Variants in CACNG4 observed in about 807,000 individuals in gnomAD.
The protein encoded by CACNG4 is calcium voltage-gated channel auxiliary subunit gamma 4.
In CACNG4, 8 loss-of-function variants were observed where a neutral mutation model predicts 22.9. The ratio of observed to expected loss-of-function variants is 0.35; its 90% CI spans 0.21 to 0.63. The LOEUF (loss-of-function observed/expected upper bound fraction) is 0.63, where lower values mean the gene tolerates loss of function less well. CACNG4 is among the 30% of genes least tolerant of loss of function. The pLI is 0.72. For missense variants in CACNG4, 357 were observed against 455.4 expected (o/e 0.78, Z 1.97); for synonymous variants, 188 against 191.9 (o/e 0.98, Z 0.17).
chr17:66,970,934 A>T (rs2035200405), intron 1 of CACNG4, among the ~76,000 whole-genome samples: 1 of 152,168 alleles, frequency 6.6e-6, no homozygotes, highest in Non-Finnish European at 1.5e-5. Context: ...GTCTCCACCA[A>T]CAGCCCAGAC....
intron 2 of CACNG4, chr17:67,020,130 G>A (rs901381561): frequency 2.6e-5 from 4 of 152,372 alleles, no homozygotes; most frequent in African/African-American, 4.8e-5. Context: ...CAGGAGCTGC[G>A]GCTGTTGGGA....
intron 3 of CACNG4, among the ~76,000 whole-genome samples, chr17:67,026,702 T>C (rs930102369): frequency 1.3e-5 from 2 of 151,028 alleles, no homozygotes; most frequent in Non-Finnish European, 3.0e-5. Context: ...GACTATGGTA[T>C]ATGTGTGTCT....
At chr17:67,022,461 G>A (rs2035537644) in intron 2 of CACNG4, among the ~76,000 whole-genome samples, 1 of 152,202 alleles carries the variant, frequency 6.6e-6, no homozygotes, top group Non-Finnish European at 1.5e-5. Context: ...AGAAACACAG[G>A]AAACTTCATC....
intron 1 of CACNG4, among the ~76,000 whole-genome samples, chr17:67,006,149 G>A (rs748202727): frequency 2.1e-4 from 32 of 152,318 alleles, no homozygotes; most frequent in African/African-American, 3.8e-4. Flanking sequence ...CTTGTTCCTC[G>A]TGGGTGAGCA....
rs540246666 is a variant in CACNG4 at position 67,030,881 on chromosome 17, C to G, written c.861C>G (p.Thr287=). The G allele has an allele frequency of 1.9e-5, 31 of 1,612,768 alleles. No individual in the cohort carries two copies. Among genetic ancestry groups the G allele is most frequent in the Non-Finnish European group, 2.5e-5 (29 of 1,180,022 alleles). The change falls in exon 4 of 4, where the codon ACC becomes ACG. Residue 287 remains threonine (T), a synonymous_variant. Coordinates refer to ENST00000262138, the MANE Select transcript of CACNG4 (RefSeq NM_014405.4). This position sits in a 1 kb window ranked among gnomAD's most constrained non-coding sequence, Gnocchi z 6.4. ...YTLSREPLKV[T]TAASYSPDQE... Reference sequence around the variant, plus strand: ...TGTCCAGGGAGCCCCTCAAGGTGACCACCGCAGCCAGCTACAGCCCCGACC... The same window carrying G: ...TGTCCAGGGAGCCCCTCAAGGTGACGACCGCAGCCAGCTACAGCCCCGACC...
At chr17:66,977,016 G>A (rs1036069122) in intron 1 of CACNG4, among the ~76,000 whole-genome samples, 15 of 152,182 alleles carry the variant, frequency 9.9e-5, no homozygotes, top group African/African-American at 1.2e-4. Context: ...AGTATCCCTC[G>A]GGGTTCCTTT....
chr17:67,008,483 A>C (rs969583411), intron 1 of CACNG4, among the ~76,000 whole-genome samples: 2 of 152,204 alleles, frequency 1.3e-5, no homozygotes, highest in African/African-American at 4.8e-5. Context: ...GAGCTGAGGC[A>C]TGGGGAATCA....
chr17:66,969,945 G>A (rs1039282847), intron 1 of CACNG4, among the ~76,000 whole-genome samples: 1 of 152,144 alleles, frequency 6.6e-6, no homozygotes, highest in African/African-American at 2.4e-5. Context: ...TCAGGCCCAG[G>A]TGAGTGACAG....
intron 2 of CACNG4, among the ~76,000 whole-genome samples, chr17:67,021,047 A>G (rs2035528435): frequency 6.6e-6 from 1 of 152,132 alleles, no homozygotes; most frequent in African/African-American, 2.4e-5. Flanking sequence ...AAAAATAAAA[A>G]TAAATTAGCC....
Position 66,984,864 on chromosome 17 carries a change from C to T in CACNG4, c.220+19733C>T, listed in dbSNP as rs1171600013. On this transcript the variant is annotated intron_variant, in intron 1 of 3. Transcript: ENST00000262138. The surrounding 1 kb of genome is among the most constrained non-coding windows in gnomAD (Gnocchi z 4.0). ...CTCGAGCCTGAGCCTGCCTCAGGGT[C>T]CCCAGGGTTACCAGGCTGGGAGTCT... is the stretch of plus-strand genomic sequence containing the variant. Among the ~76,000 whole-genome samples the T allele has an allele frequency of 6.6e-6, 1 of 152,120 alleles. No individual in the cohort carries two copies. The highest frequency in any genetic ancestry group is 2.4e-5 in the African/African-American group (1 of 41,424).
chr17:66,971,594 G>A (rs1048664365), intron 1 of CACNG4, among the ~76,000 whole-genome samples: 4 of 152,192 alleles, frequency 2.6e-5, no homozygotes, highest in African/African-American at 7.2e-5. Context: ...AGAGCAGGGG[G>A]CGTGTGGGGA....
intron 1 of CACNG4, among the ~76,000 whole-genome samples, chr17:67,005,846 A>T (rs1182279708): frequency 1.3e-5 from 2 of 152,210 alleles, no homozygotes; most frequent in Non-Finnish European, 2.9e-5. Context: ...TCTACAGATG[A>T]GCCGACAGAA....
intron 1 of CACNG4, among the ~76,000 whole-genome samples, chr17:66,992,061 C>T (rs1425987428): frequency 1.3e-5 from 2 of 152,126 alleles, no homozygotes; most frequent in East Asian, 3.9e-4. Context: ...GTGGTGACAC[C>T]TCCCTTCTCT....
At chr17:67,029,956 C>T (rs766386929) in intron 3 of CACNG4, among the ~76,000 whole-genome samples, 5 of 152,252 alleles carry the variant, frequency 3.3e-5, no homozygotes, top group Non-Finnish European at 4.4e-5. Flanking sequence ...AACCTTGTCA[C>T]AGCAGAGGGC....
At chr17:66,999,107 C>A (rs2035391901) in intron 1 of CACNG4, among the ~76,000 whole-genome samples, 1 of 152,178 alleles carries the variant, frequency 6.6e-6, no homozygotes, top group Non-Finnish European at 1.5e-5. Context: ...ACTCACTGAA[C>A]CTCTCAGGAC....
chr17:66,976,332 C>T (rs74866051), intron 1 of CACNG4, among the ~76,000 whole-genome samples: 1,802 of 149,236 alleles, frequency 0.012, 47 homozygotes, highest in African/African-American at 0.042. Flanking sequence ...CTCCCTCTGT[C>T]TTTCCTCTTT....
intron 1 of CACNG4, among the ~76,000 whole-genome samples, chr17:66,973,557 G>A (rs1006611521): frequency 3.9e-5 from 6 of 152,212 alleles, no homozygotes; most frequent in African/African-American, 7.2e-5. Context: ...CCTTGGGTGC[G>A]TACCTGGGCA....
At chr17:66,974,529 T>C (rs982312128) in intron 1 of CACNG4, among the ~76,000 whole-genome samples, 14 of 152,238 alleles carry the variant, frequency 9.2e-5, no homozygotes, top group African/African-American at 2.6e-4. Context: ...TGTTGATGTC[T>C]GGAAAGTGGG....
At chr17:66,988,240 G>A (rs996636877) in intron 1 of CACNG4, among the ~76,000 whole-genome samples, 3 of 152,064 alleles carry the variant, frequency 2.0e-5, no homozygotes, top group Non-Finnish European at 4.4e-5. Flanking sequence ...TTGCCATGGC[G>A]GGAAGACCCA....
Sources: gnomAD v4.1 joint callset for allele counts (sites outside exome capture counted in the v4.1 genomes callset) on GRCh38, gnomAD v4.1.1 for gene constraint, Gnocchi (gnomAD v3.1) non-coding constraint, MANE v1.5 for transcripts, NCBI Gene and HGNC (gene_info 2026-07-23, HGNC 2026-07-21) for gene names.